Variants in RAP1GAP2 observed in about 807,000 individuals in gnomAD.
RAP1GAP2 encodes the protein RAP1 GTPase activating protein 2, also known as rap1 GTPase-activating protein 2.
Under a neutral mutation model 95.0 loss-of-function variants are expected in RAP1GAP2, and 27 were observed. The ratio of observed to expected loss-of-function variants is 0.28; its 90% confidence interval spans 0.21 to 0.39. The LOEUF (loss-of-function observed/expected upper bound fraction) is 0.39. Among genes scored for constraint, RAP1GAP2 ranks in the 10% least tolerant of loss-of-function variants. The probability of loss-of-function intolerance (pLI) is 1.00; values close to 1 mark genes in which losing one functional copy is unlikely to be tolerated. For synonymous variants in RAP1GAP2, 373 were observed against 380.9 expected (o/e 0.98, Z 0.24); for missense variants, 771 against 970.0 (o/e 0.79, Z 2.72).
intron 2 of RAP1GAP2, among the ~76,000 whole-genome samples, chr17:2,887,860 G>A (rs1295711815): frequency 6.7e-6 from 1 of 149,174 alleles, no homozygotes; most frequent in Non-Finnish European, 1.5e-5. Context: ...TTTTAGTAGA[G>A]AAGGGGTTTC....
At chr17:2,896,797 T>C (rs573041383) in intron 2 of RAP1GAP2, among the ~76,000 whole-genome samples, 10 of 152,214 alleles carry the variant, frequency 6.6e-5, no homozygotes, top group Non-Finnish European at 1.3e-4. Flanking sequence ...CCTCATCTAA[T>C]GCACCTGGAG....
chr17:2,775,777 C>G (rs957174118), upstream of RAP1GAP2, among the ~76,000 whole-genome samples: 2 of 152,200 alleles, frequency 1.3e-5, no homozygotes, highest in African/African-American at 4.8e-5. Flanking sequence ...GGATGAGACT[C>G]AAGCATCCCA....
intron 8 of RAP1GAP2, among the ~76,000 whole-genome samples, chr17:2,968,561 CATAGAT>C (rs2044714024): frequency 6.6e-6 from 1 of 151,962 alleles, no homozygotes; most frequent in African/African-American, 2.4e-5. Flanking sequence ...TTTAGTATTT[CATAGAT>C]ATAAAGTTAC....
chr17:2,891,581 G>GA lies in RAP1GAP2; in HGVS notation c.81-13703_81-13702insA, dbSNP rs896402383. ...TCCCCCAGGAGATCTCACTTCCAGA[G>GA]CCCCCCCATCCTCTAGTGATAGTAT... On this transcript the variant is annotated intron_variant, in intron 2 of 24. Coordinates refer to ENST00000254695, the MANE Select transcript of RAP1GAP2 (RefSeq NM_015085.5). 6.0e-5 allele frequency among the ~76,000 whole-genome samples: 9 copies of GA among 150,112 alleles called. No individual in the cohort carries two copies. In the East Asian group the frequency reaches 1.2e-3, roughly 20 times the overall value.
intron 2 of RAP1GAP2, among the ~76,000 whole-genome samples, chr17:2,875,588 G>C (rs550161900): frequency 8.7e-4 from 133 of 152,268 alleles, no homozygotes; most frequent in African/African-American, 3.0e-3. Context: ...GCGGGTGAGA[G>C]GGACCGCTGT....
chr17:2,769,289 C>T (rs1468641270), intron 1 of RAP1GAP2, among the ~76,000 whole-genome samples: 5 of 125,858 alleles, frequency 4.0e-5, no homozygotes, highest in Non-Finnish European at 6.4e-5. Flanking sequence ...GGTGCGGTGG[C>T]TCACGCCTGT....
chr17:2,913,922 G>A (rs2042477810), intron 3 of RAP1GAP2, among the ~76,000 whole-genome samples: 1 of 151,358 alleles, frequency 6.6e-6, no homozygotes, highest in Non-Finnish European at 1.5e-5. Flanking sequence ...CCAGGCTGGA[G>A]AGCAGTGACG....
chr17:2,771,210 C>T (rs1414207953), intron 2 of RAP1GAP2, among the ~76,000 whole-genome samples: 4 of 152,250 alleles, frequency 2.6e-5, no homozygotes, highest in Admixed American at 6.5e-5. Context: ...TGGAGCCAGC[C>T]GTGCCTTCTT....
intron 1 of RAP1GAP2, among the ~76,000 whole-genome samples, chr17:2,789,781 G>GAAAAAA (rs35791780): frequency 1.4e-5 from 1 of 71,992 alleles, no homozygotes; most frequent in Non-Finnish European, 2.4e-5. Flanking sequence ...GACTCCATCT[G>GAAAAAA]AAAAAAAAAA....
At chr17:2,768,120 T>C (rs533939183) in intron 1 of RAP1GAP2, among the ~76,000 whole-genome samples, 5 of 152,316 alleles carry the variant, frequency 3.3e-5, no homozygotes, top group African/African-American at 1.2e-4. Flanking sequence ...TTTGCTATTA[T>C]AGACAATCCC....
At chr17:2,849,014 G>A (rs1284688801) in intron 2 of RAP1GAP2, among the ~76,000 whole-genome samples, 10 of 152,184 alleles carry the variant, frequency 6.6e-5, no homozygotes, top group Admixed American at 6.5e-4. Flanking sequence ...TAGCACAGGT[G>A]TGAGCGTTCA....
intron 2 of RAP1GAP2, among the ~76,000 whole-genome samples, chr17:2,898,755 A>G (rs1256084789): frequency 2.0e-5 from 3 of 152,160 alleles, no homozygotes; most frequent in Non-Finnish European, 4.4e-5. Flanking sequence ...CCTTGGCAAC[A>G]AGGCGACCAG....
At chr17:2,801,128 G>C (rs993649082) in intron 2 of RAP1GAP2, among the ~76,000 whole-genome samples, 1 of 151,350 alleles carries the variant, frequency 6.6e-6, no homozygotes, top group Admixed American at 6.6e-5. Context: ...GATTATAGGC[G>C]TGAGCCACTG....
chr17:2,865,985 C>T (rs1159070772), intron 2 of RAP1GAP2, among the ~76,000 whole-genome samples: 5 of 152,236 alleles, frequency 3.3e-5, no homozygotes, highest in Non-Finnish European at 7.3e-5. Context: ...CTGCCTCCAG[C>T]AGCCCATGCT....
At chr17:2,782,047 T>C (rs2068674901) in intron 1 of RAP1GAP2, among the ~76,000 whole-genome samples, 1 of 152,238 alleles carries the variant, frequency 6.6e-6, no homozygotes, top group African/African-American at 2.4e-5. Context: ...GTCTCCAGGG[T>C]TCTCAAGAGT....
chr17:2,991,902 C>T (rs907739681), intron 12 of RAP1GAP2, among the ~76,000 whole-genome samples: 4 of 151,976 alleles, frequency 2.6e-5, no homozygotes, highest in African/African-American at 9.7e-5. Flanking sequence ...GTAGCTGGGA[C>T]TACAGGCGCC....
chr17:3,031,926 A>G (rs977827744), intron 23 of RAP1GAP2, among the ~76,000 whole-genome samples: 4 of 143,952 alleles, frequency 2.8e-5, no homozygotes, highest in Middle Eastern at 4.8e-3. Context: ...TCACCAGACT[A>G]TCGAGAGCTC....
chr17:2,828,006 G>A (rs1468218604), intron 2 of RAP1GAP2, among the ~76,000 whole-genome samples: 3 of 152,264 alleles, frequency 2.0e-5, no homozygotes, highest in East Asian at 3.9e-4. Context: ...AGCATGAGAT[G>A]AGCCGAGCAC....
intron 1 of RAP1GAP2, among the ~76,000 whole-genome samples, chr17:2,779,798 T>A (rs931530772): frequency 1.1e-5 from 1 of 92,168 alleles, no homozygotes; most frequent in Non-Finnish European, 2.3e-5. Flanking sequence ...GGCAGGGGGC[T>A]GGGGGGGGGC....
Sources: allele counts gnomAD v4.1 joint callset (sites outside exome capture counted in the v4.1 genomes callset), GRCh38; gene constraint gnomAD v4.1.1; transcripts MANE v1.5; gene names NCBI Gene and HGNC (gene_info 2026-07-23, HGNC 2026-07-21).